Variants in ZNF184 observed in about 807,000 individuals in gnomAD.
ZNF184 encodes zinc finger protein 184, also known as zinc finger protein 184 (Kruppel-like).
Under a neutral mutation model 54.4 loss-of-function variants are expected in ZNF184, and 16 were observed. The observed-to-expected ratio is 0.29, with a 90% CI of 0.20 to 0.45. The LOEUF is 0.45. Among genes scored for constraint, ZNF184 ranks in the 20% least tolerant of loss-of-function variants. ZNF184 has a pLI of 1.00. For synonymous variants in ZNF184, 254 were observed against 295.3 expected, an observed-to-expected ratio of 0.86 and a Z score of 1.43; for missense variants, 681 against 888.2, an observed-to-expected ratio of 0.77 and a Z score of 2.97.
Position 27,451,245 on chromosome 6 carries a change from A to G in ZNF184, c.*58T>C. On this transcript the variant is annotated 3_prime_UTR_variant, in exon 6 of 6. Transcript: ENST00000683788. ...AATCCACTCTGATTCTTCAGTACTTAACAAAAGGACAAACTAAAGTAAATA... is the reference window on the plus strand; with the variant it reads ...AATCCACTCTGATTCTTCAGTACTTGACAAAAGGACAAACTAAAGTAAATA... 2 of 1,516,332 alleles carry G rather than the reference A, an allele frequency of 1.3e-6. No homozygotes were observed. Among genetic ancestry groups the G allele is most frequent in the South Asian group, 2.7e-5 (2 of 73,916 alleles). The allele number at this position is 1,516,332 out of a possible 1,614,324, so 93.9% of individuals were successfully genotyped here.
At chr6:27,442,045 A>G in the ZNF184 span, among the ~76,000 whole-genome samples, 1 of 152,240 alleles carries the variant, frequency 6.6e-6, no homozygotes, top group Non-Finnish European at 1.5e-5. Flanking sequence ...ATAACCTGAT[A>G]GAGATCACAC....
chr6:27,424,351 G>C, the ZNF184 span, among the ~76,000 whole-genome samples: 9 of 152,196 alleles, frequency 5.9e-5, no homozygotes, highest in African/African-American at 2.2e-4. Flanking sequence ...AGCTTCCACA[G>C]GGTACAAGGA....
the ZNF184 span, among the ~76,000 whole-genome samples, chr6:27,436,274 G>C: frequency 2.0e-5 from 3 of 151,812 alleles, no homozygotes; most frequent in African/African-American, 4.8e-5. Flanking sequence ...AGCAATTCTT[G>C]TGCGTCAGCC....
chr6:27,463,144 A>C, intron 3 of ZNF184, among the ~76,000 whole-genome samples: 1 of 81,914 alleles, frequency 1.2e-5, no homozygotes, highest in Non-Finnish European at 2.3e-5. Flanking sequence ...GGGAGGGGGG[A>C]GGGACAGCAT....
At chr6:27,411,096 G>A in the ZNF184 span, among the ~76,000 whole-genome samples, 1 of 152,154 alleles carries the variant, frequency 6.6e-6, no homozygotes, top group African/African-American at 2.4e-5. Flanking sequence ...CAATGTCAAG[G>A]CACCAGACCG....
At chr6:27,446,800 C>A (rs2113705012), downstream of ZNF184, among the ~76,000 whole-genome samples, 1 of 152,326 alleles carries the variant, frequency 6.6e-6, no homozygotes, top group East Asian at 1.9e-4. Context: ...TGCCCAACCC[C>A]AACCCCTAGA....
At chr6:27,471,141 C>G (rs1029806231) in intron 2 of ZNF184, among the ~76,000 whole-genome samples, 2 of 152,134 alleles carry the variant, frequency 1.3e-5, no homozygotes, top group Non-Finnish European at 2.9e-5. Flanking sequence ...AGAGAGAACT[C>G]CATAGGGACA....
chr6:27,418,896 A>G, the ZNF184 span, among the ~76,000 whole-genome samples: 1 of 151,478 alleles, frequency 6.6e-6, no homozygotes. Context: ...GAGTATTTTT[A>G]TTTTTTTTGG....
the ZNF184 span, among the ~76,000 whole-genome samples, chr6:27,413,252 TC>T: frequency 6.6e-6 from 1 of 152,036 alleles, no homozygotes; most frequent in Non-Finnish European, 1.5e-5. Context: ...AGAGTGAAAC[TC>T]TGTCTCAAAG....
chr6:27,420,329 C>T, the ZNF184 span, among the ~76,000 whole-genome samples: 4 of 152,166 alleles, frequency 2.6e-5, no homozygotes, highest in African/African-American at 9.7e-5. Context: ...TTCCCCAAAA[C>T]TGTCTATTCC....
At chr6:27,427,116 T>TAAAAAA in the ZNF184 span, among the ~76,000 whole-genome samples, 4,062 of 106,600 alleles carry the variant, frequency 0.038, 158 homozygotes, top group Non-Finnish European at 0.061. Context: ...ACACTCTATG[T>TAAAAAA]AAAAAAAAAA....
the ZNF184 span, among the ~76,000 whole-genome samples, chr6:27,440,639 C>T: frequency 2.0e-5 from 3 of 152,044 alleles, no homozygotes; most frequent in Non-Finnish European, 4.4e-5. Context: ...CTTAAGAAAA[C>T]GACACATTGG....
the ZNF184 span, among the ~76,000 whole-genome samples, chr6:27,419,774 T>C: frequency 6.6e-6 from 1 of 152,186 alleles, no homozygotes; most frequent in South Asian, 2.1e-4. The surrounding 1 kb of genome is among the most constrained non-coding windows in gnomAD (Gnocchi z 4.8). Flanking sequence ...TGACTACCTC[T>C]GTCTGGGCCA....
At chr6:27,422,221 G>GAAAGAAAGA in the ZNF184 span, among the ~76,000 whole-genome samples, 1 of 126,536 alleles carries the variant, frequency 7.9e-6, no homozygotes. Flanking sequence ...AGAAAGAAAA[G>GAAAGAAAGA]AAAAGAAATT....
At chr6:27,442,687 AAGAG>A in the ZNF184 span, among the ~76,000 whole-genome samples, 3 of 139,538 alleles carry the variant, frequency 2.1e-5, no homozygotes, top group Middle Eastern at 3.5e-3. Flanking sequence ...GAAAGAAAGA[AAGAG>A]AGAGAGAAAC....
the ZNF184 span, chr6:27,407,105 C>T: frequency 1.3e-5 from 2 of 153,108 alleles, no homozygotes; most frequent in East Asian, 3.8e-4. Flanking sequence ...GACCTACTCA[C>T]CTCATCCCAT....
chr6:27,408,737 T>G, the ZNF184 span, among the ~76,000 whole-genome samples: 2 of 152,262 alleles, frequency 1.3e-5, no homozygotes, highest in African/African-American at 4.8e-5. Context: ...GATCTTGAAT[T>G]TAAATGTTTT....
At chr6:27,416,473 G>A in the ZNF184 span, among the ~76,000 whole-genome samples, 1 of 152,172 alleles carries the variant, frequency 6.6e-6, no homozygotes. Flanking sequence ...TCTATCTTCT[G>A]TGGAACAAGC....
chr6:27,472,587 G>A lies in ZNF184; in HGVS notation c.-140+142C>T. 2.5e-6 allele frequency: 1 copy of A among 401,796 alleles called. No homozygotes were observed. The highest frequency in any genetic ancestry group is 4.6e-6 in the Non-Finnish European group (1 of 218,424). The allele number at this position is 401,796 out of a possible 1,614,324, so 24.9% of individuals were successfully genotyped here. A position where few individuals can be genotyped will look rare whatever the true frequency, so the allele number is the denominator to read the frequency against. On this transcript the variant is annotated intron_variant, in intron 1 of 5. Transcript: ENST00000683788. This position sits in a 1 kb window ranked among gnomAD's most constrained non-coding sequence, Gnocchi z 4.8. ...GATGAACAAAACAGAGTGGAGATCG[G>A]GTACGCGGGTTCTGCTTCAGATCCA...
Sources: allele counts gnomAD v4.1 joint callset (sites outside exome capture counted in the v4.1 genomes callset), GRCh38; gene constraint gnomAD v4.1.1; non-coding constraint Gnocchi (gnomAD v3.1); transcripts MANE v1.5; gene names NCBI Gene and HGNC (gene_info 2026-07-23, HGNC 2026-07-21).